Variants in TBC1D5 observed in about 807,000 individuals in gnomAD.
The protein encoded by TBC1D5 is TBC1 domain family, member 5.
In TBC1D5, 75 loss-of-function variants were observed where a neutral mutation model predicts 100.3. That is an observed-to-expected ratio of 0.75 (90% CI 0.62 to 0.91). The LOEUF (loss-of-function observed/expected upper bound fraction) is 0.91. Among genes scored for constraint, TBC1D5 ranks in the 40% least tolerant of loss-of-function variants. TBC1D5 has a pLI of 0.00. For missense variants in TBC1D5, 910 were observed against 942.4 expected (o/e 0.97, Z 0.45); for synonymous variants, 323 against 325.6 (o/e 0.99, Z 0.09).
chr3:17,576,278 T>G (rs975849151), intron 2 of TBC1D5: 1 of 152,014 alleles, frequency 6.6e-6, no homozygotes, highest in Non-Finnish European at 1.5e-5. Flanking sequence ...TTTAAGAGCA[T>G]GAAGGAAGTA....
At chr3:17,552,904 G>C (rs571020080) in intron 2 of TBC1D5, among the ~76,000 whole-genome samples, 3 of 152,240 alleles carry the variant, frequency 2.0e-5, no homozygotes, top group African/African-American at 7.2e-5. Flanking sequence ...TCCAGGGCTA[G>C]AGAAATAGTA....
chr3:17,383,206 T>C (rs979287561), intron 9 of TBC1D5, among the ~76,000 whole-genome samples: 1 of 151,978 alleles, frequency 6.6e-6, no homozygotes, highest in African/African-American at 2.4e-5. Context: ...GGTCCTGAAT[T>C]AGGTATACAT....
chr3:17,501,596 T>C (rs948818937), intron 3 of TBC1D5, among the ~76,000 whole-genome samples: 3 of 148,938 alleles, frequency 2.0e-5, no homozygotes, highest in Admixed American at 1.3e-4. Flanking sequence ...CTTGACTCCA[T>C]CCCTTCTAAA....
chr3:17,636,607 C>T (rs571209167), intron 1 of TBC1D5, among the ~76,000 whole-genome samples: 1 of 151,834 alleles, frequency 6.6e-6, no homozygotes, highest in African/African-American at 2.4e-5. Flanking sequence ...CTGGCTAACA[C>T]GGTGAAACCC....
chr3:17,308,539 C>T (rs2083640929), intron 13 of TBC1D5, among the ~76,000 whole-genome samples: 1 of 151,958 alleles, frequency 6.6e-6, no homozygotes, highest in Non-Finnish European at 1.5e-5. Flanking sequence ...GTTAATTGCC[C>T]TTCTGCAAAT....
At chr3:17,656,696 C>T (rs1560390871) in intron 1 of TBC1D5, among the ~76,000 whole-genome samples, 1 of 152,238 alleles carries the variant, frequency 6.6e-6, no homozygotes, top group East Asian at 1.9e-4. Context: ...GAGTTCATTC[C>T]AGTGTATGTC....
At chr3:17,664,413 T>G (rs1302958875) in intron 1 of TBC1D5, among the ~76,000 whole-genome samples, 1 of 152,180 alleles carries the variant, frequency 6.6e-6, no homozygotes, top group Non-Finnish European at 1.5e-5. Flanking sequence ...TATTAAAAAA[T>G]GCAAACATTC....
In TBC1D5 at chr3:17,696,841, T is replaced by C. The variant is rs530134449; in HGVS notation, c.-101+42502A>G. Among the ~76,000 whole-genome samples, 6 of 152,300 alleles carry C rather than the reference T, an allele frequency of 3.9e-5. No individual in the cohort carries two copies. In the East Asian group the frequency reaches 9.6e-4, roughly 24 times the overall value. On this transcript the variant is annotated intron_variant, in intron 1 of 21. Coordinates refer to ENST00000253692, the Ensembl canonical transcript of TBC1D5. ...GACCAATATCTCTGAAGAACATTGA[T>C]GTGAAAATTCTCAATAAAATACTGG...
intron 13 of TBC1D5, among the ~76,000 whole-genome samples, chr3:17,308,767 G>A (rs1308929321): frequency 6.6e-6 from 1 of 152,008 alleles, no homozygotes; most frequent in African/African-American, 2.4e-5. Context: ...ACCTTTCGAG[G>A]AGTGTTTTTC....
At chr3:17,721,746 C>T (rs2075726495) in intron 1 of TBC1D5, among the ~76,000 whole-genome samples, 1 of 151,302 alleles carries the variant, frequency 6.6e-6, no homozygotes, top group South Asian at 2.1e-4. Context: ...TTTGGGAAGC[C>T]GAGGCGGGCA....
chr3:17,358,732 C>A (rs116661743), intron 13 of TBC1D5, among the ~76,000 whole-genome samples: 1,675 of 152,208 alleles, frequency 0.011, 32 homozygotes, highest in African/African-American at 0.038. Flanking sequence ...TTTTCTCTAA[C>A]AAATTCCATG....
chr3:17,393,087 T>C (rs1322129718), intron 8 of TBC1D5, among the ~76,000 whole-genome samples: 1 of 151,866 alleles, frequency 6.6e-6, no homozygotes, highest in Non-Finnish European at 1.5e-5. Flanking sequence ...TGGTTTTGAT[T>C]TGCATTTCTC....
At chr3:17,664,530 T>C (rs954912451) in intron 1 of TBC1D5, among the ~76,000 whole-genome samples, 2 of 152,244 alleles carry the variant, frequency 1.3e-5, no homozygotes, top group Non-Finnish European at 2.9e-5. Flanking sequence ...GCTGATGGTA[T>C]GGATACAAAT....
chr3:17,274,003 G>GT (rs1238910889), intron 15 of TBC1D5, among the ~76,000 whole-genome samples: 1 of 91,606 alleles, frequency 1.1e-5, no homozygotes, highest in Admixed American at 1.1e-4. Flanking sequence ...AAGTTTAACT[G>GT]TATTTAATTA....
chr3:17,285,083 G>C (rs532263907), intron 15 of TBC1D5, among the ~76,000 whole-genome samples: 1 of 151,248 alleles, frequency 6.6e-6, no homozygotes, highest in Non-Finnish European at 1.5e-5. Context: ...GATGAAAATA[G>C]GAGTAATGGA....
chr3:17,172,038 A>G lies in TBC1D5; in HGVS notation c.1853-4210T>C, dbSNP rs1408212883. On this transcript the variant is annotated intron_variant, in intron 19 of 21. Transcript: ENST00000253692. ...TTCTTTCGTCTTAATTTATGGACTG[A>G]GTCAAGGACCACCTTCTAGGATCTG... Among the ~76,000 whole-genome samples the G allele has an allele frequency of 2.6e-5, 4 of 152,194 alleles. No individual in the cohort carries two copies. The East Asian group carries it at 7.7e-4, about 29-fold the overall frequency.
intron 3 of TBC1D5, among the ~76,000 whole-genome samples, chr3:17,438,653 G>A (rs1355574821): frequency 1.3e-5 from 2 of 152,128 alleles, no homozygotes; most frequent in Non-Finnish European, 2.9e-5. Flanking sequence ...CAAATTACCA[G>A]TCTTGGGTAT....
intron 2 of TBC1D5, among the ~76,000 whole-genome samples, chr3:17,602,454 G>C (rs985138997): frequency 2.6e-5 from 4 of 151,168 alleles, no homozygotes; most frequent in Admixed American, 6.6e-5. Context: ...GCTAAGCTCT[G>C]TGCTTCAGTC....
intron 2 of TBC1D5, among the ~76,000 whole-genome samples, chr3:17,602,549 C>G (rs1215226130): frequency 7.1e-6 from 1 of 140,432 alleles, no homozygotes; most frequent in Non-Finnish European, 1.5e-5. Flanking sequence ...TGCCATAATA[C>G]GAGAGAATCA....
Sources: allele counts gnomAD v4.1 joint callset (sites outside exome capture counted in the v4.1 genomes callset), GRCh38; gene constraint gnomAD v4.1.1; transcripts MANE v1.5; gene names NCBI Gene and HGNC (gene_info 2026-07-23, HGNC 2026-07-21).